Variants in PHLPP1 observed in about 807,000 individuals in gnomAD.
The protein encoded by PHLPP1 is PH domain and leucine rich repeat protein phosphatase 1.
In PHLPP1, 42 loss-of-function variants were observed where a neutral mutation model predicts 117.2. The observed-to-expected ratio is 0.36, with a 90% confidence interval of 0.28 to 0.46. PHLPP1 has a LOEUF of 0.46. PHLPP1 is among the 20% of genes least tolerant of loss of function. The pLI is 1.00. For missense variants in PHLPP1, 2,084 were observed against 2,241.9 expected (o/e 0.93, Z 1.42); for synonymous variants, 1,042 against 970.7 (o/e 1.07, Z -1.37).
intron 4 of PHLPP1, among the ~76,000 whole-genome samples, chr18:62,879,497 C>T (rs1045025843): frequency 5.3e-5 from 8 of 151,222 alleles, no homozygotes; most frequent in East Asian, 1.9e-4. Flanking sequence ...CTGCAACCTC[C>T]GCCTCCTGGG....
At chr18:62,872,239 A>C (rs1915922587) in intron 4 of PHLPP1, among the ~76,000 whole-genome samples, 1 of 152,242 alleles carries the variant, frequency 6.6e-6, no homozygotes, top group Non-Finnish European at 1.5e-5. Flanking sequence ...AGTAAGTCAA[A>C]TATATGGGGA....
At chr18:62,917,396 T>TTGTGTGTGTGTGTGTGTGTGTGTGCGTG (rs1909322106) in intron 9 of PHLPP1, among the ~76,000 whole-genome samples, 1 of 141,440 alleles carries the variant, frequency 7.1e-6, no homozygotes, top group Non-Finnish European at 1.5e-5. Flanking sequence ...ACAGTATTCT[T>TTGTGTGTGTGTGTGTGTGTGTGTGCGTG]TGTGTGTGTG....
At chr18:62,803,290 T>C (rs965597724) in intron 1 of PHLPP1, among the ~76,000 whole-genome samples, 3 of 152,146 alleles carry the variant, frequency 2.0e-5, no homozygotes, top group Non-Finnish European at 2.9e-5. Flanking sequence ...TTCAGAAAGG[T>C]ATGCAAGTCT....
intron 1 of PHLPP1, among the ~76,000 whole-genome samples, chr18:62,763,487 A>G (rs1207907472): frequency 1.3e-5 from 2 of 152,132 alleles, no homozygotes; most frequent in East Asian, 3.8e-4. Context: ...AAGTCATGCG[A>G]ACACCTCATT....
intron 3 of PHLPP1, 165 bp downstream of exon 3, chr18:62,839,074 C>A: frequency 6.0e-6 from 4 of 662,762 alleles, no homozygotes; most frequent in East Asian, 2.8e-5. Context: ...ACTAATTTTG[C>A]CTGAAAAGTG....
intron 1 of PHLPP1, among the ~76,000 whole-genome samples, chr18:62,806,100 A>T (rs1404602562): frequency 3.3e-5 from 5 of 151,928 alleles, no homozygotes; most frequent in African/African-American, 1.2e-4. Flanking sequence ...CAAAACAAAA[A>T]CTCAAACTGA....
intron 3 of PHLPP1, among the ~76,000 whole-genome samples, chr18:62,845,726 G>A (rs8090120): frequency 0.055 from 8,356 of 152,226 alleles, 778 homozygotes; most frequent in African/African-American, 0.19. Context: ...AGCATGGTCT[G>A]CCACTTGTCC....
At chr18:62,973,386 A>G (rs890781073) in intron 15 of PHLPP1, among the ~76,000 whole-genome samples, 2 of 152,190 alleles carry the variant, frequency 1.3e-5, no homozygotes, top group African/African-American at 2.4e-5. Context: ...TACCACCTTC[A>G]TGGCTTTCTA....
intron 1 of PHLPP1, among the ~76,000 whole-genome samples, chr18:62,758,094 C>A (rs1389853930): frequency 2.6e-5 from 4 of 152,122 alleles, no homozygotes; most frequent in African/African-American, 9.7e-5. Flanking sequence ...GCCTTTTTCT[C>A]CAAGTGCTCT....
At chr18:62,975,315 G>C (rs1234990284) in intron 15 of PHLPP1, 82 bp from the exon 16 acceptor site, 1 of 884,196 alleles carries the variant, frequency 1.1e-6, no homozygotes, top group Non-Finnish European at 1.9e-6. Flanking sequence ...GCCCTGTCCA[G>C]TGGTGCGGTC....
chr18:62,715,788 G>A lies in PHLPP1; in HGVS notation c.105G>A (p.Ala35=), dbSNP rs1284582949. Residue 35 remains alanine (A), a synonymous_variant, in exon 1 of 17, where the codon GCG becomes GCA. Coordinates refer to ENST00000262719, the MANE Select transcript of PHLPP1 (RefSeq NM_194449.4). ...CCGCTGCGGCAGCAGCAGCAGCAGC[G>A]GCGGCCGCGGCGGCTCTGGCGGCGG... ...AAAAAAAAAA[A]AAAAALAAAA... The A allele has an allele frequency of 9.2e-5, 68 of 737,230 alleles. No individual in the cohort carries two copies. Among genetic ancestry groups the A allele is most frequent in the Non-Finnish European group, 1.1e-4 (64 of 595,474 alleles). 45.7% of individuals were successfully genotyped at this position (737,230 alleles called of 1,614,324 possible).
chr18:62,959,811 A>C (rs1050060735), intron 13 of PHLPP1, among the ~76,000 whole-genome samples: 1 of 152,208 alleles, frequency 6.6e-6, no homozygotes, highest in African/African-American at 2.4e-5. Context: ...TGGCCTAATT[A>C]GTGCCTAATT....
Position 62,941,819 on chromosome 18 carries a change from A to G in PHLPP1, c.3062A>G (p.Asn1021Ser). The G allele has an allele frequency of 1.2e-6, 2 of 1,614,012 alleles. No homozygotes were observed. Among genetic ancestry groups the G allele is most frequent in the South Asian group, 1.1e-5 (1 of 91,082 alleles). ...NSILQELYLTNNSLTDKCVPL... is the reference protein window; with the variant it reads ...NSILQELYLTSNSLTDKCVPL... Reference sequence around the variant, plus strand: ...ATCTTACAAGAGTTGTATTTGACAAATAACAGCCTCACAGACAAATGTGTG... The same window carrying G: ...ATCTTACAAGAGTTGTATTTGACAAGTAACAGCCTCACAGACAAATGTGTG... The change falls in exon 11 of 17, where the codon AAT becomes AGT. Residue 1021 changes from asparagine (N) to serine (S), a missense_variant. Physicochemically the swap from Asn to Ser is conservative, Grantham distance 46. Coordinates refer to ENST00000262719, the MANE Select transcript of PHLPP1 (RefSeq NM_194449.4).
chr18:62,778,602 T>C (rs1437144726), intron 1 of PHLPP1, among the ~76,000 whole-genome samples: 1 of 152,208 alleles, frequency 6.6e-6, no homozygotes, highest in Non-Finnish European at 1.5e-5. Flanking sequence ...CATAGCTATT[T>C]AAGTGTAAGA....
At position 62,715,782 on chromosome 18, in the gene PHLPP1, A is replaced by G; in HGVS notation, c.99A>G (p.Ala33=). The change falls in exon 1 of 17, where the codon GCA becomes GCG. Residue 33 remains alanine, a synonymous_variant. Transcript: ENST00000262719. ...APAAAAAAAA[A]AAAAAAALAA... is the part of the protein sequence containing the mutation. ...CGGCCGCCGCTGCGGCAGCAGCAGCAGCAGCGGCGGCCGCGGCGGCTCTGG... is the reference window on the plus strand; with the variant it reads ...CGGCCGCCGCTGCGGCAGCAGCAGCGGCAGCGGCGGCCGCGGCGGCTCTGG... 2.8e-6 allele frequency: 2 copies of G among 709,760 alleles called. No homozygotes were observed. The highest frequency in any genetic ancestry group is 3.5e-6 in the Non-Finnish European group (2 of 575,414). The allele number at this position is 709,760 out of a possible 1,614,324, so 44.0% of individuals were successfully genotyped here.
chr18:62,802,627 A>G (rs763273225), intron 1 of PHLPP1, among the ~76,000 whole-genome samples: 1 of 152,176 alleles, frequency 6.6e-6, no homozygotes, highest in Non-Finnish European at 1.5e-5. Context: ...CTTAATAAAT[A>G]TTGATTGAAT....
chr18:62,834,334 T>A (rs1189383512), intron 2 of PHLPP1, among the ~76,000 whole-genome samples: 1 of 152,130 alleles, frequency 6.6e-6, no homozygotes, highest in Non-Finnish European at 1.5e-5. Flanking sequence ...CTGAGAAATG[T>A]GGAGTAGATA....
In PHLPP1 at chr18:62,717,271, A is replaced by G. The variant is rs747399403; in HGVS notation, c.1576+12A>G. ...CCGCTTCTATGCAGGTAAGGAAGTCACCTGCCTTGACGGGTGGTTGCAAAA... is the reference window on the plus strand; with the variant it reads ...CCGCTTCTATGCAGGTAAGGAAGTCGCCTGCCTTGACGGGTGGTTGCAAAA... On this transcript the variant is annotated intron_variant, in intron 1 of 16. Transcript: ENST00000262719. 16 of 1,553,154 alleles carry G rather than the reference A, an allele frequency of 1.0e-5. No homozygotes were observed. The South Asian group carries it at 1.5e-4, about 14-fold the overall frequency.
Position 62,770,696 on chromosome 18 carries a change from C to T in PHLPP1, c.1576+53437C>T, listed in dbSNP as rs181076716. On this transcript the variant is annotated intron_variant, in intron 1 of 16. Coordinates refer to ENST00000262719, the MANE Select transcript of PHLPP1 (RefSeq NM_194449.4). ...TTACACAGATTGAATATTCCATTTC[C>T]AAAATGTTTGGAACCGGAAGTGTTT... Among the ~76,000 whole-genome samples the T allele has an allele frequency of 8.9e-4, 135 of 150,914 alleles. 1 individual carries two copies. Among genetic ancestry groups the T allele is most frequent in the African/African-American group, 3.2e-3 (132 of 40,940 alleles).
Sources: allele counts gnomAD v4.1 joint callset (sites outside exome capture counted in the v4.1 genomes callset), GRCh38; gene constraint gnomAD v4.1.1; transcripts MANE v1.5; gene names NCBI Gene and HGNC (gene_info 2026-07-23, HGNC 2026-07-21).